TANC1: variants seen among roughly 807,000 people sequenced by gnomAD.
The protein encoded by TANC1 is tetratricopeptide repeat, ankyrin repeat and coiled-coil containing 1.
A neutral mutation model predicts 149.7 loss-of-function variants in TANC1; 77 were observed. The ratio of observed to expected loss-of-function variants is 0.51; its 90% CI spans 0.43 to 0.62. The LOEUF (loss-of-function observed/expected upper bound fraction) is 0.62. Among genes scored for constraint, TANC1 ranks in the 20% least tolerant of loss-of-function variants. The pLI is 0.00. For synonymous variants in TANC1, 854 were observed against 925.0 expected, an observed-to-expected ratio of 0.92 and a Z score of 1.39; for missense variants, 1,985 against 2,321.8, an observed-to-expected ratio of 0.85 and a Z score of 2.98.
chr2:159,125,631 C>T (rs995043732), intron 4 of TANC1, among the ~76,000 whole-genome samples: 7 of 137,558 alleles, frequency 5.1e-5, no homozygotes, highest in Non-Finnish European at 9.4e-5. Context: ...ACTCTGTTGC[C>T]CAGGCTGGAG....
intron 2 of TANC1, among the ~76,000 whole-genome samples, chr2:159,036,546 T>C (rs1485174787): frequency 6.6e-6 from 1 of 152,100 alleles, no homozygotes; most frequent in Non-Finnish European, 1.5e-5. Flanking sequence ...TGTGTGATGT[T>C]TCCCGCCCTG....
chr2:159,157,447 G>A (rs2053557251), intron 7 of TANC1, among the ~76,000 whole-genome samples: 1 of 152,206 alleles, frequency 6.6e-6, no homozygotes, highest in South Asian at 2.1e-4. Context: ...AATCCAAAAT[G>A]TGGCCTGGTG....
At chr2:159,172,090 T>G in intron 10 of TANC1, 31 bp from the exon 11 acceptor site, 1 of 1,605,184 alleles carries the variant, frequency 6.2e-7, no homozygotes, top group Middle Eastern at 1.7e-4. Context: ...CCTACTGTGA[T>G]GTACATAATG....
chr2:159,182,725 A>C (rs904163969), intron 14 of TANC1, among the ~76,000 whole-genome samples: 1 of 152,170 alleles, frequency 6.6e-6, no homozygotes, highest in East Asian at 1.9e-4. Flanking sequence ...AAACAAGGAC[A>C]CTTAGTAGGT....
At chr2:158,981,491 TTATA>T (rs10602195) in intron 1 of TANC1, among the ~76,000 whole-genome samples, 2,552 of 33,518 alleles carry the variant, frequency 0.076, 70 homozygotes, top group Middle Eastern at 0.11. Context: ...TATATAGCTT[TTATA>T]TATATATATA....
chr2:159,169,313 G>A lies in TANC1; in HGVS notation c.1010G>A (p.Arg337Gln), dbSNP rs754760244. 4.2e-5 allele frequency: 68 copies of A among 1,613,616 alleles called. No homozygotes were observed. The highest frequency in any genetic ancestry group is 5.1e-5 in the Non-Finnish European group (60 of 1,179,708). ...GACGGGCAGAGAAATGCTCCTCTAC[G>A]GACGTCAATTAGATTACCATGGCAC... The part of the protein sequence containing the change: ...YLDGQRNAPL[R>Q]TSIRLPWHNT... The change falls in exon 9 of 27, where the codon CGG becomes CAG. Residue 337 changes from arginine (R) to glutamine (Q), a missense_variant. Arg to Gln is a conservative substitution (Grantham distance 43, BLOSUM62 1). Transcript: ENST00000263635.
At chr2:159,080,983 C>T (rs1361172454) in intron 3 of TANC1, among the ~76,000 whole-genome samples, 5 of 152,200 alleles carry the variant, frequency 3.3e-5, no homozygotes, top group African/African-American at 9.6e-5. Flanking sequence ...AGGCTCACTC[C>T]ACCTCGGGCT....
intron 3 of TANC1, among the ~76,000 whole-genome samples, chr2:159,087,798 G>A (rs1484132798): frequency 1.3e-5 from 2 of 150,874 alleles, no homozygotes; most frequent in Admixed American, 6.6e-5. Context: ...AAGTGATCCT[G>A]TTTGGAAATT....
chr2:159,102,955 C>T (rs264643), intron 4 of TANC1, among the ~76,000 whole-genome samples: 60,298 of 85,996 alleles, frequency 0.7, 26,789 homozygotes, highest in East Asian at 0.98. Context: ...CCTGATCCCA[C>T]GATCCGCCCA....
intron 18 of TANC1, among the ~76,000 whole-genome samples, chr2:159,198,376 G>A (rs575836266): frequency 2.6e-5 from 4 of 152,294 alleles, no homozygotes; most frequent in African/African-American, 7.2e-5. Flanking sequence ...AGGTGGCTTT[G>A]TCGTGTTCTC....
intron 1 of TANC1, among the ~76,000 whole-genome samples, chr2:158,974,961 C>T (rs1406311261): frequency 7.2e-6 from 1 of 139,578 alleles, no homozygotes; most frequent in Non-Finnish European, 1.5e-5. Context: ...GAGACCAGAC[C>T]AGGCTGGTCT....
intron 2 of TANC1, among the ~76,000 whole-genome samples, chr2:159,065,640 G>GT (rs34624412): frequency 0.27 from 37,273 of 136,134 alleles, 5,735 homozygotes; most frequent in Non-Finnish European, 0.39. Context: ...ATGCACTATT[G>GT]TTTTTTTTTT....
chr2:159,107,224 A>C (rs1326140899), intron 4 of TANC1, among the ~76,000 whole-genome samples: 1 of 152,006 alleles, frequency 6.6e-6, no homozygotes, highest in Non-Finnish European at 1.5e-5. Flanking sequence ...AGGGCATTTC[A>C]CCATGTTTGC....
Position 159,097,728 on chromosome 2 carries a change from C to A in TANC1, c.153C>A (p.Thr51=), listed in dbSNP as rs538839890. 6.2e-7 allele frequency: 1 copy of A among 1,614,118 alleles called. No individual in the cohort carries two copies. Among genetic ancestry groups the A allele is most frequent in the East Asian group, 2.2e-5 (1 of 44,882 alleles). ...PVSSLPTAED[T]YRVSLAKGVS... Reference sequence around the variant, plus strand: ...GCAGTCTTCCCACAGCAGAGGACACCTATAGGGTGAGCTTGGCCAAAGGTG... The same window carrying A: ...GCAGTCTTCCCACAGCAGAGGACACATATAGGGTGAGCTTGGCCAAAGGTG... The change falls in exon 4 of 27, where the codon ACC becomes ACA. Residue 51 remains threonine, a synonymous_variant. Coordinates refer to ENST00000263635, the MANE Select transcript of TANC1 (RefSeq NM_033394.3).
In TANC1 at chr2:159,009,663, A is replaced by G. The variant is rs532741932; in HGVS notation, c.-16+8474A>G. Among the ~76,000 whole-genome samples, 5 of 152,310 alleles carry G rather than the reference A, an allele frequency of 3.3e-5. No individual in the cohort carries two copies. The South Asian group carries it at 6.2e-4, about 19-fold the overall frequency. On this transcript the variant is annotated intron_variant, in intron 2 of 26. Transcript: ENST00000263635. ...ACAAAATCACAGCTAGATAGGGGGA[A>G]TAAGTCCTAGTGTCCTATAGCAATC... is the stretch of plus-strand genomic sequence containing the variant.
At chr2:159,094,771 GT>G (rs1426941881) in intron 3 of TANC1, among the ~76,000 whole-genome samples, 5 of 143,832 alleles carry the variant, frequency 3.5e-5, no homozygotes, top group African/African-American at 1.3e-4. Context: ...GCTTGTGTGT[GT>G]GTGGGGGGGG....
At chr2:159,015,300 C>T (rs1049496848) in intron 2 of TANC1, among the ~76,000 whole-genome samples, 3 of 152,200 alleles carry the variant, frequency 2.0e-5, no homozygotes, top group Non-Finnish European at 4.4e-5. Context: ...CCAAGCTCTA[C>T]GTTGGCCCCT....
intron 11 of TANC1, 132 bp downstream of exon 11, chr2:159,172,404 T>A: frequency 1.2e-6 from 1 of 826,916 alleles, no homozygotes; most frequent in African/African-American, 1.7e-5. Flanking sequence ...TTTAATGAAA[T>A]AGTGATACAG....
At position 159,024,026 on chromosome 2, in the gene TANC1, A is replaced by T. The variant is rs113366824; in HGVS notation, c.-16+22837A>T. Among the ~76,000 whole-genome samples, 25 of 152,148 alleles carry T rather than the reference A, an allele frequency of 1.6e-4. 1 individual carries two copies. The highest frequency in any genetic ancestry group is 6.0e-4 in the African/African-American group (25 of 41,524). On this transcript the variant is annotated intron_variant, in intron 2 of 26. Transcript: ENST00000263635. ...GTAATGAGGCATATAACAAACCATCATGTATCTACCAACCAGCTTCACAAA... is the reference window on the plus strand; with the variant it reads ...GTAATGAGGCATATAACAAACCATCTTGTATCTACCAACCAGCTTCACAAA...
Sources: gnomAD v4.1 joint callset for allele counts (sites outside exome capture counted in the v4.1 genomes callset) on GRCh38, gnomAD v4.1.1 for gene constraint, MANE v1.5 for transcripts, NCBI Gene and HGNC (gene_info 2026-07-23, HGNC 2026-07-21) for gene names.